Variants in VPS13B observed in about 807,000 individuals in gnomAD.
VPS13B encodes the protein vacuolar protein sorting 13 homolog B.
VPS13B carries 285 observed loss-of-function variants against 426.4 expected under a neutral mutation model. That is an observed-to-expected ratio of 0.67 (90% CI 0.61 to 0.74). The LOEUF is 0.74. Ranked by LOEUF, VPS13B falls within the 30% of genes least tolerant of loss-of-function variation. The pLI is 0.00. For missense variants in VPS13B, 4,537 were observed against 4,782.6 expected, an observed-to-expected ratio of 0.95 and a Z score of 1.51; for synonymous variants, 1,676 against 1,676.4, an observed-to-expected ratio of 1.00 and a Z score of 0.01.
intron 19 of VPS13B, among the ~76,000 whole-genome samples, chr8:99,344,294 C>T (rs979045943): frequency 7.9e-5 from 12 of 152,064 alleles, no homozygotes; most frequent in African/African-American, 2.9e-4. Context: ...AAACCATATA[C>T]AAAAATCAAG....
Position 99,587,583 on chromosome 8 carries a change from G to A in VPS13B, c.5220+9950G>A, listed in dbSNP as rs192954421. Among the ~76,000 whole-genome samples the A allele has an allele frequency of 4.7e-4, 71 of 151,824 alleles. 3 individuals carry two copies. The highest frequency in any genetic ancestry group is 1.6e-3 in the African/African-American group (65 of 41,136). On this transcript the variant is annotated intron_variant, in intron 33 of 61. Transcript: ENST00000357162. ...TTTCTTTGATGACCAGTGATGATGA[G>A]CATTTTTTCATGTGTCTGTTGGCTG...
intron 33 of VPS13B, among the ~76,000 whole-genome samples, chr8:99,622,569 G>A (rs893760788): frequency 2.0e-5 from 3 of 152,086 alleles, no homozygotes; most frequent in Non-Finnish European, 4.4e-5. Flanking sequence ...AAACAAAAGG[G>A]CACAGATTGA....
At chr8:99,130,978 T>C (rs1464924972) in intron 8 of VPS13B, among the ~76,000 whole-genome samples, 1 of 152,202 alleles carries the variant, frequency 6.6e-6, no homozygotes, top group Non-Finnish European at 1.5e-5. Context: ...TCAAGAACTT[T>C]CATTAGGCCT....
chr8:99,560,475 G>A (rs1012495461), intron 31 of VPS13B, among the ~76,000 whole-genome samples: 1 of 152,104 alleles, frequency 6.6e-6, no homozygotes, highest in Admixed American at 6.6e-5. Flanking sequence ...TGGGTCCTGA[G>A]GACAGAGATC....
At chr8:99,134,266 G>A (rs1196393693) in intron 8 of VPS13B, among the ~76,000 whole-genome samples, 1 of 152,064 alleles carries the variant, frequency 6.6e-6, no homozygotes, top group East Asian at 1.9e-4. Context: ...GAAACTACAC[G>A]TTGTTGAATG....
At position 99,398,132 on chromosome 8, in the gene VPS13B, A is replaced by G. The variant is rs1254912537; in HGVS notation, c.3082+6428A>G. Among the ~76,000 whole-genome samples, 5 of 152,354 alleles carry G rather than the reference A, an allele frequency of 3.3e-5. 1 individual carries two copies. The Middle Eastern group carries it at 0.014, about 415-fold the overall frequency. On this transcript the variant is annotated intron_variant, in intron 21 of 61. Transcript: ENST00000357162. ...AAAAAATGTTTTTAGTGTTGCTTAG[A>G]TATTTCACAGTAAGAGATATAGACT... is the stretch of plus-strand genomic sequence containing the variant.
rs1440579372 is a variant in VPS13B at position 99,642,472 on chromosome 8, G to C, written c.5882G>C (p.Gly1961Ala). The change falls in exon 34 of 62, where the codon GGG becomes GCG. Residue 1961 changes from glycine (G) to alanine (A), a missense_variant. Gly to Ala is a moderately conservative substitution (Grantham distance 60, BLOSUM62 0). Transcript: ENST00000357162. Reference sequence around the variant, plus strand: ...TCCATTTTTGATGCTGTGCTTAAAGGGGTGGCCTCTGATTACAAATGTATA... The same window carrying C: ...TCCATTTTTGATGCTGTGCTTAAAGCGGTGGCCTCTGATTACAAATGTATA... ...EVSIFDAVLK[G>A]VASDYKCIDP... The C allele has an allele frequency of 6.2e-7, 1 of 1,613,660 alleles. No homozygotes were observed.
At chr8:99,266,361 A>G (rs1818300989) in intron 17 of VPS13B, among the ~76,000 whole-genome samples, 2 of 152,036 alleles carry the variant, frequency 1.3e-5, no homozygotes, top group Non-Finnish European at 2.9e-5. Flanking sequence ...ACAGTGAGCT[A>G]TGATTGCACT....
intron 31 of VPS13B, among the ~76,000 whole-genome samples, chr8:99,574,997 C>G (rs1314478162): frequency 1.3e-5 from 2 of 151,926 alleles, no homozygotes; most frequent in Non-Finnish European, 2.9e-5. Flanking sequence ...GACTCTGTCT[C>G]TAGAAAAAAT....
chr8:99,134,306 A>G (rs1030972104), intron 8 of VPS13B, among the ~76,000 whole-genome samples: 5 of 152,194 alleles, frequency 3.3e-5, no homozygotes, highest in African/African-American at 1.2e-4. Flanking sequence ...AACTGAGGTT[A>G]TACTATATGT....
At chr8:99,235,388 A>G (rs1274401281) in intron 17 of VPS13B, among the ~76,000 whole-genome samples, 1 of 152,202 alleles carries the variant, frequency 6.6e-6, no homozygotes, top group Non-Finnish European at 1.5e-5. Flanking sequence ...GTCATTCTGC[A>G]ATGATATTTG....
chr8:99,115,835 C>T lies in VPS13B; in HGVS notation c.898C>T (p.Leu300Phe). Reference sequence around the variant, plus strand: ...TTTTAAAGAAGGCGAAATAGAGGACCTTACTTGTCATAATAAAGATATGCT... The same window carrying T: ...TTTTAAAGAAGGCGAAATAGAGGACTTTACTTGTCATAATAAAGATATGCT... ...GNFKEGEIED[L>F]TCHNKDMLGN... The change falls in exon 7 of 62, where the codon CTT becomes TTT. Residue 300 changes from leucine to phenylalanine, a missense_variant. By Grantham distance (22) the Leu-to-Phe change is conservative (BLOSUM62 0). Coordinates refer to ENST00000357162, the MANE Select transcript of VPS13B (RefSeq NM_152564.5). 1 of 1,613,442 alleles carries T rather than the reference C, an allele frequency of 6.2e-7. No individual in the cohort carries two copies. Among genetic ancestry groups the T allele is most frequent in the Non-Finnish European group, 8.5e-7 (1 of 1,179,726 alleles).
intron 33 of VPS13B, among the ~76,000 whole-genome samples, chr8:99,606,457 G>A (rs1035163451): frequency 8.3e-6 from 1 of 121,108 alleles, no homozygotes; most frequent in African/African-American, 3.2e-5. Context: ...TTAAGCTCAG[G>A]AATTCAAGAG....
At chr8:99,327,577 G>A (rs184186627) in intron 19 of VPS13B, among the ~76,000 whole-genome samples, 3 of 152,110 alleles carry the variant, frequency 2.0e-5, no homozygotes, top group African/African-American at 7.2e-5. Flanking sequence ...CAAGTTACAG[G>A]CAAGAGACTA....
chr8:99,783,158 G>A (rs916051129), intron 42 of VPS13B, among the ~76,000 whole-genome samples: 2 of 152,138 alleles, frequency 1.3e-5, no homozygotes, highest in Non-Finnish European at 2.9e-5. Context: ...TGGATTCCAA[G>A]TACATTCATC....
At chr8:99,823,753 T>A (rs1464841043) in intron 50 of VPS13B, 79 bp from the exon 51 acceptor site, 11 of 1,473,502 alleles carry the variant, frequency 7.5e-6, no homozygotes, top group Non-Finnish European at 1.0e-5. Flanking sequence ...TTAGATAAAA[T>A]AACCTTTTAG....
intron 58 of VPS13B, among the ~76,000 whole-genome samples, chr8:99,863,603 G>C (rs1816947327): frequency 6.6e-6 from 1 of 152,108 alleles, no homozygotes; most frequent in African/African-American, 2.4e-5. Flanking sequence ...CCCAGCCAAT[G>C]CTCCGTTTTC....
intron 33 of VPS13B, among the ~76,000 whole-genome samples, chr8:99,607,154 G>A (rs1190525174): frequency 6.6e-6 from 1 of 152,128 alleles, no homozygotes; most frequent in East Asian, 1.9e-4. Flanking sequence ...GTTTATGTTA[G>A]TAAAAATGAA....
rs188022176 is a variant in VPS13B, at chr8:99,262,766, G to C, written c.2516-11432G>C. 2.9e-5 allele frequency among the ~76,000 whole-genome samples: 4 copies of C among 139,144 alleles called. No homozygotes were observed. The East Asian group carries it at 8.0e-4, about 28-fold the overall frequency. 91.3% of individuals were successfully genotyped at this position (139,144 alleles called of 152,430 possible). On this transcript the variant is annotated intron_variant, in intron 17 of 61. Transcript: ENST00000357162. ...TCCTGGCTGTTTGAATGTTTTGGAT[G>C]GTCTGTTGTTGTTGTTGTTGTTGTT...
Sources: gnomAD v4.1 joint callset for allele counts (sites outside exome capture counted in the v4.1 genomes callset) on GRCh38, gnomAD v4.1.1 for gene constraint, MANE v1.5 for transcripts, NCBI Gene and HGNC (gene_info 2026-07-23, HGNC 2026-07-21) for gene names.